PRKD3: variants seen among roughly 807,000 people sequenced by gnomAD.
PRKD3 encodes serine/threonine-protein kinase D3.
PRKD3 carries 47 observed loss-of-function variants against 99.2 expected under a neutral mutation model. The ratio of observed to expected loss-of-function variants is 0.47; its 90% CI spans 0.38 to 0.60. The LOEUF is 0.60. Ranked by LOEUF, PRKD3 falls within the 20% of genes least tolerant of loss-of-function variation. The probability of loss-of-function intolerance (pLI) is 0.00; values close to 1 mark genes in which losing one functional copy is unlikely to be tolerated. For synonymous variants in PRKD3, 392 were observed against 355.4 expected, an observed-to-expected ratio of 1.10 and a Z score of -1.16; for missense variants, 1,019 against 1,088.4, an observed-to-expected ratio of 0.94 and a Z score of 0.90.
intron 2 of PRKD3, among the ~76,000 whole-genome samples, chr2:37,308,697 C>T (rs544621026): frequency 4.4e-4 from 67 of 152,284 alleles, no homozygotes; most frequent in African/African-American, 1.5e-3. Context: ...TCAGGTGATC[C>T]ACCCACCTCA....
chr2:37,305,343 A>G (rs1416687814), intron 2 of PRKD3, among the ~76,000 whole-genome samples: 1 of 152,268 alleles, frequency 6.6e-6, no homozygotes, highest in African/African-American at 2.4e-5. Flanking sequence ...ATCAGCTAAA[A>G]GCAGACAATC....
Position 37,277,868 on chromosome 2 carries a change from G to A in PRKD3, c.1294C>T (p.Leu432=), listed in dbSNP as rs1170561151. The change falls in exon 9 of 19, where the codon CTG becomes TTG. Residue 432 remains leucine, a splice_region_variant and synonymous_variant. Transcript: ENST00000234179. ...TTCAAATGTATTTGATTACTGACCA[G>A]GTTATCCCTGCTGGTGTAATGGACC... ...WMVHYTSRDN[L]RKRHYWRLDS... is the part of the protein sequence containing the mutation. 6.2e-7 allele frequency: 1 copy of A among 1,612,812 alleles called. No individual in the cohort carries two copies. The highest frequency in any genetic ancestry group is 1.7e-5 in the Admixed American group (1 of 59,822).
At chr2:37,292,248 T>C (rs1670463246) in intron 3 of PRKD3, among the ~76,000 whole-genome samples, 1 of 151,904 alleles carries the variant, frequency 6.6e-6, no homozygotes, top group East Asian at 1.9e-4. Context: ...AACTGTTTTA[T>C]TTCTTTGACT....
At position 37,316,576 on chromosome 2, in the gene PRKD3, T is replaced by G. The variant is rs753802967; in HGVS notation, c.-52A>C. Reference sequence around the variant, plus strand: ...GTTGTCGATTCTTTTTCAATGGTTATGAAGAGGTTTTTAAAATAACAGCAG... The same window carrying G: ...GTTGTCGATTCTTTTTCAATGGTTAGGAAGAGGTTTTTAAAATAACAGCAG... On this transcript the variant is annotated 5_prime_UTR_variant, in exon 2 of 19. Transcript: ENST00000234179. 1 of 1,550,686 alleles carries G rather than the reference T, an allele frequency of 6.4e-7. No individual in the cohort carries two copies. Among genetic ancestry groups the G allele is most frequent in the African/African-American group, 1.4e-5 (1 of 72,292 alleles).
At chr2:37,267,950 T>G (rs1334296668) in intron 13 of PRKD3, 1 of 190,200 alleles carries the variant, frequency 5.3e-6, no homozygotes, top group Admixed American at 5.9e-5. Context: ...TCTGGGTGTC[T>G]CTATATTCTA....
At chr2:37,301,159 C>T (rs1670907670) in intron 2 of PRKD3, among the ~76,000 whole-genome samples, 2 of 152,144 alleles carry the variant, frequency 1.3e-5, no homozygotes, top group African/African-American at 4.8e-5. Flanking sequence ...AATTACTCCT[C>T]AGAATGATCT....
chr2:37,269,720 T>G, intron 12 of PRKD3, 33 bp from the exon 13 acceptor site: 1 of 1,424,218 alleles, frequency 7.0e-7, no homozygotes, highest in Non-Finnish European at 9.9e-7. Context: ...TAGTATTATT[T>G]ATTTCTATAA....
intron 2 of PRKD3, among the ~76,000 whole-genome samples, chr2:37,303,172 G>A (rs761238138): frequency 6.6e-6 from 1 of 151,916 alleles, no homozygotes; most frequent in Non-Finnish European, 1.5e-5. Flanking sequence ...AGAGCCGCTG[G>A]ACCTCAGGAG....
chr2:37,269,709 TTAGTATTA>T (rs1669097258), intron 12 of PRKD3, 22 bp from the exon 13 acceptor site: 2 of 1,513,732 alleles, frequency 1.3e-6, no homozygotes, highest in East Asian at 4.5e-5. Context: ...AAGTAAGGAG[TTAGTATTA>T]TTTATTTCTA....
intron 2 of PRKD3, among the ~76,000 whole-genome samples, chr2:37,304,762 G>GAA (rs545472683): frequency 1.5e-5 from 2 of 133,536 alleles, no homozygotes; most frequent in Non-Finnish European, 3.3e-5. Context: ...AAAAAGAAAA[G>GAA]AAAAAAAAAA....
intron 16 of PRKD3, among the ~76,000 whole-genome samples, chr2:37,257,909 T>C (rs559597129): frequency 6.6e-6 from 1 of 152,254 alleles, no homozygotes; most frequent in Non-Finnish European, 1.5e-5. Flanking sequence ...TGTTTAGATT[T>C]GAAAACAGTT....
At chr2:37,254,626 C>T (rs1667788750) in intron 17 of PRKD3, among the ~76,000 whole-genome samples, 1 of 152,156 alleles carries the variant, frequency 6.6e-6, no homozygotes, top group Non-Finnish European at 1.5e-5. Context: ...TCAGTTTCCT[C>T]ATGAAGTTGC....
rs1259689120 is a variant in PRKD3 at position 37,250,757 on chromosome 2, A to G, written c.*2420T>C. The G allele has an allele frequency of 6.6e-6, 1 of 151,854 alleles. No individual in the cohort carries two copies. The highest frequency in any genetic ancestry group is 1.5e-5 in the Non-Finnish European group (1 of 68,024). 9.4% of individuals were successfully genotyped at this position (151,854 alleles called of 1,614,324 possible). A position where few individuals can be genotyped will look rare whatever the true frequency, so the allele number is the denominator to read the frequency against. On this transcript the variant is annotated 3_prime_UTR_variant, in exon 19 of 19. Coordinates refer to ENST00000234179, the MANE Select transcript of PRKD3 (RefSeq NM_005813.6). ...TTATCAAGCTTCCAGTATATTTACAAAAAGTTGGATATAACCAAAAAAATA... is the reference window on the plus strand; with the variant it reads ...TTATCAAGCTTCCAGTATATTTACAGAAAGTTGGATATAACCAAAAAAATA...
At chr2:37,294,981 A>C (rs1347453729) in intron 2 of PRKD3, among the ~76,000 whole-genome samples, 2 of 152,198 alleles carry the variant, frequency 1.3e-5, no homozygotes, top group Non-Finnish European at 2.9e-5. Context: ...AGGCTGAGGC[A>C]TAAGAATCAC....
At chr2:37,280,046 G>T in intron 7 of PRKD3, 117 bp from the exon 8 acceptor site, 28 of 587,566 alleles carry the variant, frequency 4.8e-5, no homozygotes, top group East Asian at 7.2e-5. Context: ...GTTAAGTAAA[G>T]TATTTCTCTT....
chr2:37,309,684 C>G (rs1182435870), intron 2 of PRKD3, among the ~76,000 whole-genome samples: 4 of 152,002 alleles, frequency 2.6e-5, no homozygotes, highest in Admixed American at 2.6e-4. Flanking sequence ...CCTGTCTCTA[C>G]TAAAACTACA....
At position 37,274,627 on chromosome 2, in the gene PRKD3, T is replaced by G; in HGVS notation, c.1445A>C (p.Asn482Thr). The G allele has an allele frequency of 6.2e-7, 1 of 1,614,082 alleles. No individual in the cohort carries two copies. The highest frequency in any genetic ancestry group is 1.1e-5 in the South Asian group (1 of 91,084). Residue 482 changes from asparagine (N) to threonine (T), a missense_variant, in exon 11 of 19, where the codon AAT becomes ACT. By Grantham distance (65) the Asn-to-Thr change is moderately conservative. Around this residue, in one of 3 missense-constraint regions of PRKD3, gnomAD observed 710 missense variants for 692.7 expected, o/e 1.02. Coordinates refer to ENST00000234179, the MANE Select transcript of PRKD3 (RefSeq NM_005813.6). ...AGTAATGATTTCAAAACAGTGTGGATTGCTGCCTTGTGAAATGTTTGTGAA... is the reference window on the plus strand; with the variant it reads ...AGTAATGATTTCAAAACAGTGTGGAGTGCTGCCTTGTGAAATGTTTGTGAA... ...RDFTNISQGSNPHCFEIITDT... is the reference protein window; with the variant it reads ...RDFTNISQGSTPHCFEIITDT...
At chr2:37,278,157 A>G in intron 8 of PRKD3, 168 bp from the exon 9 acceptor site, 2 of 421,864 alleles carry the variant, frequency 4.7e-6, no homozygotes, top group South Asian at 9.3e-5. Flanking sequence ...ATGATACATA[A>G]AAGATTCTAT....
chr2:37,291,119 G>T, intron 3 of PRKD3, 120 bp from the exon 4 acceptor site: 1 of 908,838 alleles, frequency 1.1e-6, no homozygotes, highest in South Asian at 2.6e-5. Context: ...AAGTTGCACT[G>T]GACCATAAAA....
Sources: gnomAD v4.1 joint callset for allele counts (sites outside exome capture counted in the v4.1 genomes callset) on GRCh38, gnomAD v4.1.1 for gene constraint, gnomAD v4.1.1 regional missense constraint, MANE v1.5 for transcripts, NCBI Gene and HGNC (gene_info 2026-07-23, HGNC 2026-07-21) for gene names.